PTPRN2: variants seen among roughly 807,000 people sequenced by gnomAD.
PTPRN2 encodes receptor-type tyrosine-protein phosphatase N2.
PTPRN2 carries 74 observed loss-of-function variants against 118.8 expected under a neutral mutation model. The ratio of observed to expected loss-of-function variants is 0.62; its 90% CI spans 0.52 to 0.76. The LOEUF is 0.76. PTPRN2 is among the 30% of genes least tolerant of loss of function. The pLI is 0.00. For missense variants in PTPRN2, 1,481 were observed against 1,394.4 expected (o/e 1.06, Z -0.99); for synonymous variants, 641 against 608.0 (o/e 1.05, Z -0.80).
chr7:158,469,367 A>G lies in PTPRN2; in HGVS notation c.163+20368T>C, dbSNP rs142406467. The stretch of plus-strand genomic sequence containing the variant: ...GAGGGAGCAGAATCGTTTGAACCCC[A>G]GGAGGGGGAGGTTGCAGTGAGCCAA... On this transcript the variant is annotated intron_variant, in intron 2 of 22. Transcript: ENST00000389418. Among the ~76,000 whole-genome samples, 483 of 152,244 alleles carry G rather than the reference A, an allele frequency of 3.2e-3. 2 individuals are homozygous for G. The highest frequency in any genetic ancestry group is 0.011 in the African/African-American group (459 of 41,544).
Position 158,090,929 on chromosome 7 carries a change from C to T in PTPRN2, c.1644-9552G>A, listed in dbSNP as rs1196065000. On this transcript the variant is annotated intron_variant, in intron 10 of 22. Coordinates refer to ENST00000389418, the MANE Select transcript of PTPRN2 (RefSeq NM_002847.5). ...GAATATTAGTTTTCAGGGCATGACA[C>T]TTTAACCACAGGAAAGAAAACACTG... Among the ~76,000 whole-genome samples, 5 of 152,320 alleles carry T rather than the reference C, an allele frequency of 3.3e-5. No individual in the cohort carries two copies. The South Asian group carries it at 8.3e-4, about 25-fold the overall frequency.
chr7:158,331,806 C>T (rs1357684765), intron 2 of PTPRN2, among the ~76,000 whole-genome samples: 20 of 150,720 alleles, frequency 1.3e-4, no homozygotes, highest in Non-Finnish European at 2.4e-4. Context: ...CTCACACCCA[C>T]ACTGTCACCC....
At chr7:157,665,445 G>A (rs777084276) in intron 13 of PTPRN2, among the ~76,000 whole-genome samples, 2 of 152,186 alleles carry the variant, frequency 1.3e-5, no homozygotes, top group Admixed American at 6.5e-5. Context: ...CGATGTCGGC[G>A]GCACTTGCGA....
intron 14 of PTPRN2, among the ~76,000 whole-genome samples, chr7:157,643,989 A>T (rs1804868696): frequency 6.6e-6 from 1 of 152,214 alleles, no homozygotes; most frequent in Non-Finnish European, 1.5e-5. Flanking sequence ...CTGGAAGACC[A>T]GGGGCCTCTC....
At chr7:158,080,119 C>A (rs1812682659) in intron 11 of PTPRN2, among the ~76,000 whole-genome samples, 1 of 151,932 alleles carries the variant, frequency 6.6e-6, no homozygotes, top group South Asian at 2.1e-4. Flanking sequence ...CAGATAGGAC[C>A]AGCAATTCGC....
intron 3 of PTPRN2, among the ~76,000 whole-genome samples, chr7:158,313,782 G>C (rs990126155): frequency 1.3e-5 from 2 of 152,186 alleles, no homozygotes; most frequent in Non-Finnish European, 2.9e-5. Flanking sequence ...TTAGATTATT[G>C]TCATGTAATT....
chr7:158,429,453 T>C (rs913504809), intron 2 of PTPRN2, among the ~76,000 whole-genome samples: 2 of 152,214 alleles, frequency 1.3e-5, no homozygotes, highest in African/African-American at 2.4e-5. Context: ...TCCACCACCA[T>C]CTCTGCCTCG....
At chr7:158,478,756 C>T (rs1031462038) in intron 2 of PTPRN2, among the ~76,000 whole-genome samples, 5 of 152,052 alleles carry the variant, frequency 3.3e-5, no homozygotes, top group East Asian at 1.9e-4. Flanking sequence ...GTGTACACGC[C>T]GTACAGAGAT....
intron 11 of PTPRN2, among the ~76,000 whole-genome samples, chr7:157,924,939 G>T (rs1297682484): frequency 5.3e-5 from 5 of 93,508 alleles, no homozygotes; most frequent in African/African-American, 2.3e-4. Context: ...GGCAAATGCA[G>T]TTATTGAAAT....
chr7:158,042,291 C>G (rs1808527151), intron 11 of PTPRN2, among the ~76,000 whole-genome samples: 1 of 152,178 alleles, frequency 6.6e-6, no homozygotes, highest in South Asian at 2.1e-4. Flanking sequence ...CCCCATCGTG[C>G]TTGACTCTTC....
At chr7:157,865,208 G>A (rs1810562530) in intron 12 of PTPRN2, 1 of 152,386 alleles carries the variant, frequency 6.6e-6, no homozygotes, top group Admixed American at 6.5e-5. Flanking sequence ...CGGGCACTGT[G>A]GGGGTGGCCC....
At position 157,609,053 on chromosome 7, in the gene PTPRN2, C is replaced by A. The variant is rs1480061095; in HGVS notation, c.2345-4978G>T. 6.6e-6 allele frequency among the ~76,000 whole-genome samples: 1 copy of A among 152,150 alleles called. No homozygotes were observed. Among genetic ancestry groups the A allele is most frequent in the Non-Finnish European group, 1.5e-5 (1 of 68,026 alleles). On this transcript the variant is annotated intron_variant, in intron 15 of 22. Transcript: ENST00000389418. This position sits in a 1 kb window ranked among gnomAD's most constrained non-coding sequence, Gnocchi z 4.9. The stretch of plus-strand genomic sequence containing the variant: ...CCACTGTGCACGTTCCTTTTCTGAC[C>A]CTTTACTGTGTTTATCATGCGTTAG...
Position 158,253,871 on chromosome 7 carries a change from C to G in PTPRN2, c.278-48598G>C, listed in dbSNP as rs1268628234. Among the ~76,000 whole-genome samples the G allele has an allele frequency of 7.9e-4, 119 of 150,880 alleles. 9 individuals are homozygous for G. Among genetic ancestry groups the G allele is most frequent in the Non-Finnish European group, 2.5e-4 (17 of 67,890 alleles). ...TCGAGCAGAGGAAGCATCCCTGTAA[C>G]TGCACGGCGGCACAGAGCCACTGCC... On this transcript the variant is annotated intron_variant, in intron 3 of 22. Transcript: ENST00000389418.
rs575350148 is a variant in PTPRN2 at position 157,986,930 on chromosome 7, G to A, written c.1724-88193C>T. The stretch of plus-strand genomic sequence containing the variant: ...CCAGTGACTTTGGGGTCATTTGCAC[G>A]GTATCAGCTATAGCCGCAGTGAGAG... On this transcript the variant is annotated intron_variant, in intron 11 of 22. Coordinates refer to ENST00000389418, the MANE Select transcript of PTPRN2 (RefSeq NM_002847.5). This position sits in a 1 kb window ranked among gnomAD's most constrained non-coding sequence, Gnocchi z 4.5. Among the ~76,000 whole-genome samples, 1 of 152,122 alleles carries A rather than the reference G, an allele frequency of 6.6e-6. No homozygotes were observed. The highest frequency in any genetic ancestry group is 6.5e-5 in the Admixed American group (1 of 15,270).
chr7:158,550,268 G>T (rs1826563600), intron 1 of PTPRN2, among the ~76,000 whole-genome samples: 2 of 152,196 alleles, frequency 1.3e-5, no homozygotes, highest in Non-Finnish European at 1.5e-5. Flanking sequence ...CACGGATGCT[G>T]CCCGGCTCCC....
intron 3 of PTPRN2, among the ~76,000 whole-genome samples, chr7:158,252,109 T>G (rs1356889990): frequency 6.6e-6 from 1 of 152,168 alleles, no homozygotes; most frequent in African/African-American, 2.4e-5. Context: ...CTAAGCAGCC[T>G]GCCTCTCCAG....
intron 7 of PTPRN2, 31 bp downstream of exon 7, chr7:158,138,262 CT>C: frequency 6.3e-7 from 1 of 1,592,592 alleles, no homozygotes; most frequent in Non-Finnish European, 8.6e-7. Flanking sequence ...CGCAGCACCC[CT>C]GGGTGTGGGC....
intron 2 of PTPRN2, among the ~76,000 whole-genome samples, chr7:158,342,395 CGTCA>C (rs1807062657): frequency 1.4e-5 from 2 of 140,472 alleles, no homozygotes; most frequent in Non-Finnish European, 1.5e-5. Context: ...CATCTGCAGA[CGTCA>C]CTCACACCCA....
intron 5 of PTPRN2, among the ~76,000 whole-genome samples, chr7:158,178,276 C>T (rs1162804439): frequency 6.6e-6 from 1 of 152,104 alleles, no homozygotes; most frequent in Non-Finnish European, 1.5e-5. Flanking sequence ...GGTGAAGTCT[C>T]AGATATTAAT....
Sources: allele counts gnomAD v4.1 joint callset (sites outside exome capture counted in the v4.1 genomes callset), GRCh38; gene constraint gnomAD v4.1.1; non-coding constraint Gnocchi (gnomAD v3.1); transcripts MANE v1.5; gene names NCBI Gene and HGNC (gene_info 2026-07-23, HGNC 2026-07-21).